The following SFXN2 variants were observed in gnomAD, a reference collection of about 807,000 sequenced individuals.
SFXN2 encodes sideroflexin 2.
A neutral mutation model predicts 41.9 loss-of-function variants in SFXN2; 37 were observed. That is an observed-to-expected ratio of 0.88 (90% CI 0.68 to 1.16). SFXN2 has a LOEUF of 1.16. Ranked by LOEUF, SFXN2 falls within the 50% of genes most tolerant of loss-of-function variation. The pLI, the probability that SFXN2 is intolerant of heterozygous loss-of-function variation, is 0.00. For missense variants in SFXN2, 386 were observed against 425.2 expected (o/e 0.91, Z 0.81); for synonymous variants, 150 against 156.7 (o/e 0.96, Z 0.32).
Position 102,729,751 on chromosome 10 carries a change from T to C in SFXN2, c.536T>C (p.Val179Ala). ...GCGCCGCCCTTGGTGGGCCGCTGGG[T>C]GCCCTTTGCCGCTGTGGCTGCGGCT... ...KKAPPLVGRW[V>A]PFAAVAAANC... Residue 179 changes from valine (V) to alanine (A), a missense_variant, in exon 6 of 12, where the codon GTG (valine) becomes GCG (alanine). By Grantham distance (64) the Val-to-Ala change is moderately conservative. Coordinates refer to ENST00000369893, the MANE Select transcript of SFXN2 (RefSeq NM_178858.6). The C allele has an allele frequency of 1.2e-6, 2 of 1,614,076 alleles. No homozygotes were observed. Among genetic ancestry groups the C allele is most frequent in the South Asian group, 1.1e-5 (1 of 91,090 alleles).
chr10:102,736,003 C>T, intron 11 of SFXN2, 94 bp downstream of exon 11: 1 of 1,200,078 alleles, frequency 8.3e-7, no homozygotes, highest in Non-Finnish European at 1.2e-6. Context: ...AGGGAAGGGG[C>T]AGGAAGGGCA....
At chr10:102,737,284 GA>G (rs2064793714) in intron 11 of SFXN2, among the ~76,000 whole-genome samples, 1 of 152,156 alleles carries the variant, frequency 6.6e-6, no homozygotes. Flanking sequence ...AAAGGGAAGG[GA>G]TACATCAGAC....
chr10:102,739,702 A>T lies in SFXN2; in HGVS notation c.*1940A>T, dbSNP rs537423316. On this transcript the variant is annotated 3_prime_UTR_variant, in exon 12 of 12. Transcript: ENST00000369893. ...CGAGGCAGGTGGATCACCTGAGGTC[A>T]GGAGTTCGAGACCAGCCTGATCAAC... The T allele has an allele frequency of 1.3e-5, 2 of 152,360 alleles. No homozygotes were observed. The highest frequency in any genetic ancestry group is 6.5e-5 in the Admixed American group (1 of 15,302). The allele number at this position is 152,360 out of a possible 1,614,324, so 9.4% of individuals were successfully genotyped here.
chr10:102,725,454 G>A (rs962096604), intron 1 of SFXN2, among the ~76,000 whole-genome samples: 4 of 152,226 alleles, frequency 2.6e-5, no homozygotes, highest in African/African-American at 7.2e-5. Flanking sequence ...GGGCATGATA[G>A]TGCATGCCTG....
chr10:102,728,874 G>A (rs2064652548), intron 4 of SFXN2, among the ~76,000 whole-genome samples: 1 of 152,122 alleles, frequency 6.6e-6, no homozygotes, highest in Non-Finnish European at 1.5e-5. Context: ...GGGAGGCTGA[G>A]GCAGGCAGAT....
Position 102,726,797 on chromosome 10 carries a change from G to A in SFXN2, c.161G>A (p.Arg54Lys), listed in dbSNP as rs771003799. 6.2e-6 allele frequency: 10 copies of A among 1,614,076 alleles called. No individual in the cohort carries two copies. Among genetic ancestry groups the A allele is most frequent in the Middle Eastern group, 1.6e-4 (1 of 6,082 alleles). Residue 54 changes from arginine (R) to lysine (K), a missense_variant and splice_region_variant, in exon 2 of 12, where the codon AGG becomes AAG. Arg to Lys is a conservative substitution (Grantham distance 26, BLOSUM62 2). Transcript: ENST00000369893. ...DWAKVMVEKS[R>K]MGVVPPGTQV... is the part of the protein sequence containing the mutation. ...GCCAAGGTGATGGTGGAGAAGAGCA[G>A]GTGAGGGGTCGGGGAAGGGGCTGGA...
At chr10:102,736,253 CT>C (rs11298009) in intron 11 of SFXN2, among the ~76,000 whole-genome samples, 113,348 of 148,980 alleles carry the variant, frequency 0.76, 43,153 homozygotes, top group Non-Finnish European at 0.77. Flanking sequence ...TGGTTTTTAA[CT>C]TTTTTTTTTT....
At chr10:102,728,392 T>C (rs2064642151) in intron 3 of SFXN2, 39 bp from the exon 4 acceptor site, 1 of 1,575,938 alleles carries the variant, frequency 6.3e-7, no homozygotes, top group Non-Finnish European at 8.7e-7. Context: ...CCCTGCCATC[T>C]GACTTCTCTC....
At chr10:102,718,159 G>A (rs1213537724) in intron 1 of SFXN2, among the ~76,000 whole-genome samples, 2 of 152,226 alleles carry the variant, frequency 1.3e-5, no homozygotes, top group African/African-American at 4.8e-5. Context: ...AATTAAGAAG[G>A]CAAAGGCTCT....
chr10:102,737,389 A>G (rs2064795988), intron 11 of SFXN2, among the ~76,000 whole-genome samples: 1 of 152,140 alleles, frequency 6.6e-6, no homozygotes, highest in Admixed American at 6.6e-5. Context: ...ACTCTAGTTC[A>G]ATACTACTTC....
At chr10:102,727,340 A>G (rs1171410596) in intron 3 of SFXN2, among the ~76,000 whole-genome samples, 183 bp downstream of exon 3, 1 of 152,144 alleles carries the variant, frequency 6.6e-6, no homozygotes, top group African/African-American at 2.4e-5. Flanking sequence ...TATAGGTACT[A>G]TTATTTCCAT....
At chr10:102,733,804 G>T (rs1482382303) in intron 10 of SFXN2, among the ~76,000 whole-genome samples, 1 of 152,178 alleles carries the variant, frequency 6.6e-6, no homozygotes, top group Non-Finnish European at 1.5e-5. Context: ...TTATGCACGT[G>T]TCCATGTAGG....
chr10:102,734,486 T>A lies in SFXN2; in HGVS notation c.821+883T>A, dbSNP rs1252469436. Among the ~76,000 whole-genome samples, 1 of 152,192 alleles carries A rather than the reference T, an allele frequency of 6.6e-6. No homozygotes were observed. Among genetic ancestry groups the A allele is most frequent in the Non-Finnish European group, 1.5e-5 (1 of 68,026 alleles). ...TATTATTATCATCTCCTTTTACAAA[T>A]GAAGAAACTGAGACTTAGACAGAGT... On this transcript the variant is annotated intron_variant, in intron 10 of 11. Transcript: ENST00000369893. This position sits in a 1 kb window ranked among gnomAD's most constrained non-coding sequence, Gnocchi z 4.1.
At chr10:102,721,262 C>T (rs565993573) in intron 1 of SFXN2, among the ~76,000 whole-genome samples, 2 of 151,854 alleles carry the variant, frequency 1.3e-5, no homozygotes, top group African/African-American at 2.4e-5. Context: ...TGCCTGTAAT[C>T]CCAGCACTTA....
At chr10:102,726,837 A>G in intron 2 of SFXN2, 40 bp downstream of exon 2, 4 of 1,610,390 alleles carry the variant, frequency 2.5e-6, no homozygotes, top group Non-Finnish European at 3.4e-6. Flanking sequence ...GTAGGGTAAC[A>G]TTGATGGGGT....
chr10:102,733,331 GT>G, intron 9 of SFXN2, among the ~76,000 whole-genome samples: 1 of 151,810 alleles, frequency 6.6e-6, no homozygotes, highest in Admixed American at 6.6e-5. Flanking sequence ...TGTATTTTTA[GT>G]AGAGACGGGT....
chr10:102,732,542 T>C (rs1032330521), intron 8 of SFXN2, among the ~76,000 whole-genome samples: 1 of 152,212 alleles, frequency 6.6e-6, no homozygotes, highest in African/African-American at 2.4e-5. Context: ...AGTGGGTGTA[T>C]TGCAAAATTT....
chr10:102,728,400 C>G (rs757588038), intron 3 of SFXN2, 31 bp from the exon 4 acceptor site: 2 of 1,601,240 alleles, frequency 1.2e-6, no homozygotes, highest in Non-Finnish European at 1.7e-6. Flanking sequence ...TCTGACTTCT[C>G]TCTGCCTCTC....
intron 8 of SFXN2, 62 bp from the exon 9 acceptor site, chr10:102,732,797 C>T (rs993616814): frequency 2.4e-5 from 38 of 1,572,046 alleles, no homozygotes; most frequent in Admixed American, 3.3e-5. Context: ...GGTCTGACTT[C>T]AGAAGGAGTC....
Sources: allele counts gnomAD v4.1 joint callset (sites outside exome capture counted in the v4.1 genomes callset), GRCh38; gene constraint gnomAD v4.1.1; non-coding constraint Gnocchi (gnomAD v3.1); transcripts MANE v1.5; gene names NCBI Gene and HGNC (gene_info 2026-07-23, HGNC 2026-07-21).